The following TNFAIP8L3 variants were observed in gnomAD, a reference collection of about 807,000 sequenced individuals.
TNFAIP8L3 encodes the protein TNF alpha induced protein 8 like 3.
In TNFAIP8L3, 7 loss-of-function variants were observed where a neutral mutation model predicts 11.8. That is an observed-to-expected ratio of 0.59 (90% CI 0.34 to 1.11). TNFAIP8L3 has a LOEUF of 1.11. TNFAIP8L3 is among the 50% of genes most tolerant of loss of function. The probability of loss-of-function intolerance (pLI) is 0.03; values close to 1 mark genes in which losing one functional copy is unlikely to be tolerated. For missense variants in TNFAIP8L3, 219 were observed against 258.6 expected (o/e 0.85, Z 1.05); for synonymous variants, 98 against 103.8 (o/e 0.94, Z 0.34).
At chr15:51,100,772 AAC>A (rs1302430688) in intron 1 of TNFAIP8L3, among the ~76,000 whole-genome samples, 2 of 151,960 alleles carry the variant, frequency 1.3e-5, no homozygotes, top group Non-Finnish European at 2.9e-5. Context: ...AAGGAAAAAA[AAC>A]AAACAAACAA....
Position 51,085,665 on chromosome 15 carries a change from G to A in TNFAIP8L3, c.52+8879C>T, listed in dbSNP as rs917714657. On this transcript the variant is annotated intron_variant, in intron 1 of 1. Coordinates refer to ENST00000637513, the MANE Select transcript of TNFAIP8L3 (RefSeq NM_001311175.2). ...TTACATGTTTTGGGGTAAACACAAA[G>A]AAGCCATGGGATCTGGCCTCCAGTT... Among the ~76,000 whole-genome samples, 3 of 147,326 alleles carry A rather than the reference G, an allele frequency of 2.0e-5. No individual in the cohort carries two copies. In the East Asian group the frequency reaches 6.0e-4, roughly 29 times the overall value.
intron 1 of TNFAIP8L3, among the ~76,000 whole-genome samples, chr15:51,062,076 C>G (rs1206792572): frequency 6.6e-6 from 1 of 152,018 alleles, no homozygotes; most frequent in East Asian, 1.9e-4. Flanking sequence ...GAGTTTGAGA[C>G]CATCCTGGGC....
At chr15:51,059,687 A>G (rs940191292) in intron 1 of TNFAIP8L3, among the ~76,000 whole-genome samples, 1 of 152,268 alleles carries the variant, frequency 6.6e-6, no homozygotes, top group African/African-American at 2.4e-5. Context: ...GAAGAATAAG[A>G]AAGTAGTAAA....
chr15:51,086,504 T>A (rs990249650), intron 1 of TNFAIP8L3, among the ~76,000 whole-genome samples: 2 of 152,136 alleles, frequency 1.3e-5, no homozygotes, highest in Non-Finnish European at 2.9e-5. Flanking sequence ...GTGGGAGCTG[T>A]GTGGGGGATG....
chr15:51,064,247 C>A (rs978419921), intron 1 of TNFAIP8L3, among the ~76,000 whole-genome samples: 1 of 152,158 alleles, frequency 6.6e-6, no homozygotes, highest in African/African-American at 2.4e-5. Flanking sequence ...ATAACAGTGT[C>A]CTCCAACATG....
chr15:51,075,088 T>C (rs1050416523), intron 1 of TNFAIP8L3, among the ~76,000 whole-genome samples: 3 of 152,218 alleles, frequency 2.0e-5, no homozygotes, highest in Non-Finnish European at 2.9e-5. Context: ...GAATGACTGA[T>C]GAATGATTTT....
At chr15:51,102,255 T>C (rs1364464243) in intron 1 of TNFAIP8L3, among the ~76,000 whole-genome samples, 4 of 152,186 alleles carry the variant, frequency 2.6e-5, no homozygotes, top group Non-Finnish European at 5.9e-5. Flanking sequence ...CTGACTCTCC[T>C]CCTGCGCATG....
In TNFAIP8L3 at chr15:51,058,343, G is replaced by C; in HGVS notation, c.153C>G (p.Asp51Glu). ...GCTCATCAAAGATCTCGCTGCTGGT[G>C]TCATCAATCAACATGTTGGCCACAG... ...SKTVANMLIDDTSSEIFDELY... is the reference protein window; with the variant it reads ...SKTVANMLIDETSSEIFDELY... Residue 51 changes from aspartate to glutamate, a missense_variant, in exon 2 of 2, where the codon GAC (aspartate) becomes GAG (glutamate). By Grantham distance (45) the Asp-to-Glu change is conservative. Coordinates refer to ENST00000637513, the MANE Select transcript of TNFAIP8L3 (RefSeq NM_001311175.2). 5.0e-6 allele frequency: 8 copies of C among 1,614,136 alleles called. No individual in the cohort carries two copies. Among genetic ancestry groups the C allele is most frequent in the African/African-American group, 1.3e-5 (1 of 75,028 alleles).
intron 1 of TNFAIP8L3, among the ~76,000 whole-genome samples, chr15:51,087,777 A>G (rs2065439897): frequency 6.6e-6 from 1 of 151,862 alleles, no homozygotes; most frequent in African/African-American, 2.4e-5. Flanking sequence ...AACAGGCTCA[A>G]ATTTATTCCC....
chr15:51,087,951 G>C (rs2065442174), intron 1 of TNFAIP8L3, among the ~76,000 whole-genome samples: 1 of 71,188 alleles, frequency 1.4e-5, no homozygotes, highest in Non-Finnish European at 3.3e-5. Flanking sequence ...ATGGGAAGGG[G>C]GAGGATATTT....
intron 1 of TNFAIP8L3, among the ~76,000 whole-genome samples, chr15:51,063,368 G>T (rs2065251920): frequency 6.6e-6 from 1 of 152,166 alleles, no homozygotes; most frequent in South Asian, 2.1e-4. Flanking sequence ...GCTAAAACTG[G>T]AAATGTTCCA....
rs1479682078 is a variant in TNFAIP8L3 at position 51,058,198 on chromosome 15, C to T, written c.298G>A (p.Glu100Lys). ...ILYRNNQFSQ[E>K]ELVIVEKFRK... ...AACTTCTCCACAATAACCAGCTCCT[C>T]TTGGCTAAACTGGTTGTTCCGGTAG... is the stretch of plus-strand genomic sequence containing the variant. The change falls in exon 2 of 2, where the codon GAG (glutamate) becomes AAG (lysine). Residue 100 changes from glutamate (E) to lysine (K), a missense_variant. Transcript: ENST00000637513. 6.2e-7 allele frequency: 1 copy of T among 1,614,240 alleles called. No individual in the cohort carries two copies. Among genetic ancestry groups the T allele is most frequent in the Non-Finnish European group, 8.5e-7 (1 of 1,180,048 alleles).
chr15:51,078,241 C>T (rs1277845890), intron 1 of TNFAIP8L3, among the ~76,000 whole-genome samples: 1 of 149,570 alleles, frequency 6.7e-6, no homozygotes, highest in Non-Finnish European at 1.5e-5. Context: ...TTGTAATTGG[C>T]CCTGAGGAGT....
At chr15:51,083,609 G>C (rs1056508019) in intron 1 of TNFAIP8L3, among the ~76,000 whole-genome samples, 7 of 152,236 alleles carry the variant, frequency 4.6e-5, no homozygotes, top group Admixed American at 4.6e-4. Flanking sequence ...CCACGGGTGC[G>C]TTTAGACTGG....
intron 1 of TNFAIP8L3, among the ~76,000 whole-genome samples, chr15:51,079,736 G>C (rs1045626990): frequency 6.6e-6 from 1 of 151,706 alleles, no homozygotes; most frequent in Admixed American, 6.6e-5. Context: ...TGTAATCTCA[G>C]CACTTTGGAG....
intron 1 of TNFAIP8L3, among the ~76,000 whole-genome samples, chr15:51,073,985 AATC>A (rs2065332062): frequency 6.6e-6 from 1 of 152,218 alleles, no homozygotes; most frequent in African/African-American, 2.4e-5. Context: ...TTTTGATTTA[AATC>A]ATCATTATAT....
chr15:51,103,323 G>A (rs181750433), intron 1 of TNFAIP8L3, among the ~76,000 whole-genome samples: 46 of 152,320 alleles, frequency 3.0e-4, no homozygotes, highest in African/African-American at 1.1e-3. Context: ...CCTCTTGACT[G>A]TGCCTGTGGG....
intron 1 of TNFAIP8L3, among the ~76,000 whole-genome samples, chr15:51,101,945 C>CAAAAA (rs11297566): frequency 1.3e-3 from 112 of 84,766 alleles, no homozygotes; most frequent in Non-Finnish European, 1.5e-3. Context: ...GACTCTGTCT[C>CAAAAA]AAAAAAAAAA....
chr15:51,084,684 G>A (rs1031971161), intron 1 of TNFAIP8L3, among the ~76,000 whole-genome samples: 1 of 152,186 alleles, frequency 6.6e-6, no homozygotes, highest in Admixed American at 6.5e-5. Context: ...GTGAGGGAAA[G>A]GTGATGGCCT....
Sources: gnomAD v4.1 joint callset for allele counts (sites outside exome capture counted in the v4.1 genomes callset) on GRCh38, gnomAD v4.1.1 for gene constraint, MANE v1.5 for transcripts, NCBI Gene and HGNC (gene_info 2026-07-23, HGNC 2026-07-21) for gene names.